The following PRMT9 variants were observed in gnomAD, a reference collection of about 807,000 sequenced individuals.
PRMT9 encodes the protein protein arginine N-methyltransferase 9.
Under a neutral mutation model 83.2 loss-of-function variants are expected in PRMT9, and 59 were observed. The ratio of observed to expected loss-of-function variants is 0.71; its 90% CI spans 0.57 to 0.88. The LOEUF (loss-of-function observed/expected upper bound fraction) is 0.88, where lower values mean the gene tolerates loss of function less well. Ranked by LOEUF, PRMT9 falls within the 40% of genes least tolerant of loss-of-function variation. The probability of loss-of-function intolerance (pLI) is 0.00; values close to 1 mark genes in which losing one functional copy is unlikely to be tolerated. For synonymous variants in PRMT9, 333 were observed against 353.2 expected, an observed-to-expected ratio of 0.94 and a Z score of 0.64; for missense variants, 947 against 1,021.9, an observed-to-expected ratio of 0.93 and a Z score of 1.00.
chr4:147,638,467 A>G lies in PRMT9; in HGVS notation c.*65T>C. On this transcript the variant is annotated 3_prime_UTR_variant, in exon 12 of 12. Coordinates refer to ENST00000322396, the MANE Select transcript of PRMT9 (RefSeq NM_138364.4). ...AAGGAATTTTTATATACCCCCACTA[A>G]TTAAGACAAGAATTTTGTACTTGTT... is the stretch of plus-strand genomic sequence containing the variant. 7.8e-7 allele frequency: 1 copy of G among 1,276,632 alleles called. No homozygotes were observed. Among genetic ancestry groups the G allele is most frequent in the Non-Finnish European group, 1.1e-6 (1 of 875,684 alleles). 79.1% of individuals were successfully genotyped at this position (1,276,632 alleles called of 1,614,324 possible).
In PRMT9 at chr4:147,673,078, T is replaced by C. The variant is rs573198766; in HGVS notation, c.624A>G (p.Leu208=). 11 of 1,614,036 alleles carry C rather than the reference T, an allele frequency of 6.8e-6. No individual in the cohort carries two copies. The African/African-American group carries it at 1.5e-4, about 22-fold the overall frequency. Residue 208 remains leucine (L), a synonymous_variant, in exon 4 of 12, where the codon TTA becomes TTG. Transcript: ENST00000322396. ...AGAHSVYACE[L]SKTMYELACD... ...AGGCAAGTTCATACATGGTCTTGGA[T>C]AACTCACAGGCATACACGGAATGTG...
chr4:147,646,313 A>G (rs746971463), intron 9 of PRMT9, among the ~76,000 whole-genome samples: 7 of 152,190 alleles, frequency 4.6e-5, no homozygotes, highest in Non-Finnish European at 8.8e-5. Context: ...GAAAGGAGAG[A>G]CTAGCCACAG....
At position 147,638,829 on chromosome 4, in the gene PRMT9, C is replaced by G. The variant is rs924033574; in HGVS notation, c.2323-82G>C. 6 of 1,372,034 alleles carry G rather than the reference C, an allele frequency of 4.4e-6. No individual in the cohort carries two copies. In the Admixed American group the frequency reaches 7.9e-5, roughly 18 times the overall value. The allele number at this position is 1,372,034 out of a possible 1,614,324, so 85.0% of individuals were successfully genotyped here. A position where few individuals can be genotyped will look rare whatever the true frequency, so the allele number is the denominator to read the frequency against. ...GTCTCTTTTTAGTTACTTTTAAATACAAAAATTTAAAATACATTTCACTAG... is the reference window on the plus strand; with the variant it reads ...GTCTCTTTTTAGTTACTTTTAAATAGAAAAATTTAAAATACATTTCACTAG... On this transcript the variant is annotated intron_variant, in intron 11 of 11. Transcript: ENST00000322396.
Position 147,638,339 on chromosome 4 carries a change from A to G in PRMT9, c.*193T>C. 1.7e-6 allele frequency: 1 copy of G among 592,896 alleles called. No individual in the cohort carries two copies. Among genetic ancestry groups the G allele is most frequent in the Non-Finnish European group, 3.0e-6 (1 of 335,632 alleles). The allele number at this position is 592,896 out of a possible 1,614,324, so 36.7% of individuals were successfully genotyped here. ...ACTAGTGATGTATCCTTTTCCAGAA[A>G]GCAAATCTGCAGCAGTATTTCTATA... is the stretch of plus-strand genomic sequence containing the variant. On this transcript the variant is annotated 3_prime_UTR_variant, in exon 12 of 12. Transcript: ENST00000322396.
Position 147,639,039 on chromosome 4 carries a change from A to T in PRMT9, c.2243T>A (p.Ile748Lys). The change falls in exon 11 of 12, where the codon ATA becomes AAA. Residue 748 changes from isoleucine (I) to lysine (K), a missense_variant. Coordinates refer to ENST00000322396, the MANE Select transcript of PRMT9 (RefSeq NM_138364.4). ...GAGTTCCACTGGCTTGCTTAAAGGT[A>T]TACAGGGCAATGAGGATAGGTCCAA... ...VFLDLSSLPCIPLSKPVELLR... is the reference protein window; with the variant it reads ...VFLDLSSLPCKPLSKPVELLR... 6.2e-7 allele frequency: 1 copy of T among 1,613,134 alleles called. No homozygotes were observed. Among genetic ancestry groups the T allele is most frequent in the East Asian group, 2.2e-5 (1 of 44,772 alleles).
At position 147,680,481 on chromosome 4, in the gene PRMT9, T is replaced by C. The variant is rs1205815311; in HGVS notation, c.190-10A>G. On this transcript the variant is annotated splice_polypyrimidine_tract_variant and intron_variant, in intron 1 of 11. Coordinates refer to ENST00000322396, the MANE Select transcript of PRMT9 (RefSeq NM_138364.4). ...TGTACTGAAAAGTTTCCTTTACAAA[T>C]AAGAAAAAAATTATGAATTAGTCAA... 6.3e-7 allele frequency: 1 copy of C among 1,599,602 alleles called. No individual in the cohort carries two copies. Among genetic ancestry groups the C allele is most frequent in the South Asian group, 1.1e-5 (1 of 90,124 alleles).
chr4:147,650,741 A>G (rs533542516), intron 9 of PRMT9, among the ~76,000 whole-genome samples: 222 of 152,362 alleles, frequency 1.5e-3, no homozygotes, highest in African/African-American at 5.1e-3. Flanking sequence ...CAAACTACAA[A>G]GCAACAGCAA....
At chr4:147,675,396 C>T (rs1311796460) in intron 2 of PRMT9, among the ~76,000 whole-genome samples, 1 of 152,112 alleles carries the variant, frequency 6.6e-6, no homozygotes, top group Non-Finnish European at 1.5e-5. Context: ...AAATAAGAGA[C>T]ATTCATGATT....
At chr4:147,667,429 A>T (rs1735415554) in intron 6 of PRMT9, among the ~76,000 whole-genome samples, 1 of 152,246 alleles carries the variant, frequency 6.6e-6, no homozygotes, top group African/African-American at 2.4e-5. Context: ...AAACAAAATT[A>T]AATTTACACA....
intron 6 of PRMT9, among the ~76,000 whole-genome samples, chr4:147,662,495 T>C (rs920842578): frequency 1.3e-5 from 2 of 152,192 alleles, no homozygotes; most frequent in Admixed American, 6.5e-5. Context: ...TAACAATGTT[T>C]GATGTCAACA....
chr4:147,654,690 C>T, intron 8 of PRMT9, 124 bp from the exon 9 acceptor site: 1 of 682,182 alleles, frequency 1.5e-6, no homozygotes. Flanking sequence ...ATTACAAATA[C>T]TCATTTAATA....
Position 147,670,688 on chromosome 4 carries a change from C to G in PRMT9, c.799G>C (p.Val267Leu). 6.2e-7 allele frequency: 1 copy of G among 1,613,684 alleles called. No individual in the cohort carries two copies. Among genetic ancestry groups the G allele is most frequent in the African/African-American group, 1.3e-5 (1 of 75,036 alleles). The change falls in exon 5 of 12, where the codon GTG becomes CTG. Residue 267 changes from valine to leucine, a missense_variant. Coordinates refer to ENST00000322396, the MANE Select transcript of PRMT9 (RefSeq NM_138364.4). Reference protein sequence around the residue: ...VDAGLFGEGIVESLIHAWEHL... With the variant: ...VDAGLFGEGILESLIHAWEHL... ...TCCCATGCATGAATCAAACTCTCCA[C>G]AATTCCTTCTCCAAATAAACCTGCA...
intron 6 of PRMT9, among the ~76,000 whole-genome samples, chr4:147,665,598 T>C (rs1735273692): frequency 6.6e-6 from 1 of 152,204 alleles, no homozygotes; most frequent in Admixed American, 6.5e-5. Context: ...ATATTGAATC[T>C]ATTCCACCCC....
chr4:147,640,061 CTTTTTTTTTTT>C (rs1185905675), intron 10 of PRMT9, among the ~76,000 whole-genome samples: 2 of 35,086 alleles, frequency 5.7e-5, no homozygotes, highest in Middle Eastern at 0.016. Context: ...CCACTCCTGT[CTTTTTTTTTTT>C]TTTTTTTTTT....
chr4:147,642,811 T>C lies in PRMT9; in HGVS notation c.2175A>G (p.Ile725Met), dbSNP rs559430033. Residue 725 changes from isoleucine (I) to methionine (M), a missense_variant, in exon 10 of 12, where the codon ATA (isoleucine) becomes ATG (methionine). Physicochemically the swap from Ile to Met is conservative, Grantham distance 10 (BLOSUM62 1). Coordinates refer to ENST00000322396, the MANE Select transcript of PRMT9 (RefSeq NM_138364.4). Reference protein sequence around the residue: ...QGTERTLGLNIAPFINQFQVP... With the variant: ...QGTERTLGLNMAPFINQFQVP... ...CCTGAAACTGGTTAATAAAAGGTGC[T>C]ATATTTAATCCAAGAGTACGTTCTG... The C allele has an allele frequency of 1.1e-5, 17 of 1,613,874 alleles. No individual in the cohort carries two copies. Among genetic ancestry groups the C allele is most frequent in the Non-Finnish European group, 1.4e-5 (16 of 1,179,872 alleles).
At chr4:147,638,804 GTC>G in intron 11 of PRMT9, 57 bp from the exon 12 acceptor site, 1 of 1,421,602 alleles carries the variant, frequency 7.0e-7, no homozygotes, top group Non-Finnish European at 9.8e-7. Context: ...ACTTAGATAA[GTC>G]TCTTTTTAGT....
chr4:147,662,711 A>C (rs1482348123), intron 6 of PRMT9, among the ~76,000 whole-genome samples: 2 of 152,130 alleles, frequency 1.3e-5, no homozygotes, highest in African/African-American at 4.8e-5. Flanking sequence ...AAGCAGGAGG[A>C]TCACCTGAGC....
intron 9 of PRMT9, among the ~76,000 whole-genome samples, chr4:147,649,394 T>C (rs1189857192): frequency 6.6e-6 from 1 of 152,106 alleles, no homozygotes; most frequent in Non-Finnish European, 1.5e-5. Context: ...GAGGAGACAC[T>C]CAAACCATAG....
Position 147,638,253 on chromosome 4 carries a change from A to C in PRMT9, c.*279T>G. On this transcript the variant is annotated 3_prime_UTR_variant, in exon 12 of 12. Transcript: ENST00000322396. ...GCTTTACTTACACATGTCAATAACG[A>C]TAAGACTTTTAAAATCCCTATTCTG... 2.4e-6 allele frequency: 1 copy of C among 417,056 alleles called. No individual in the cohort carries two copies. Among genetic ancestry groups the C allele is most frequent in the Non-Finnish European group, 4.4e-6 (1 of 227,576 alleles). The allele number at this position is 417,056 out of a possible 1,614,324, so 25.8% of individuals were successfully genotyped here. A position where few individuals can be genotyped will look rare whatever the true frequency, so the allele number is the denominator to read the frequency against.
Sources: allele counts gnomAD v4.1 joint callset (sites outside exome capture counted in the v4.1 genomes callset), GRCh38; gene constraint gnomAD v4.1.1; transcripts MANE v1.5; gene names NCBI Gene and HGNC (gene_info 2026-07-23, HGNC 2026-07-21).